The following KCTD8 variants were observed in gnomAD, a reference collection of about 807,000 sequenced individuals.
KCTD8 encodes potassium channel tetramerization domain containing 8, also known as BTB/POZ domain-containing protein KCTD8.
In KCTD8, 27 loss-of-function variants were observed where a neutral mutation model predicts 31.5. The ratio of observed to expected loss-of-function variants is 0.86; its 90% CI spans 0.63 to 1.18. KCTD8 has a LOEUF of 1.18. KCTD8 is among the 50% of genes most tolerant of loss of function. The pLI is 0.00. For synonymous variants in KCTD8, 290 were observed against 280.0 expected, an observed-to-expected ratio of 1.04 and a Z score of -0.36; for missense variants, 658 against 647.7, an observed-to-expected ratio of 1.02 and a Z score of -0.17.
chr4:44,193,453 T>C (rs1207908586), intron 1 of KCTD8, among the ~76,000 whole-genome samples: 2 of 152,178 alleles, frequency 1.3e-5, no homozygotes, highest in Non-Finnish European at 2.9e-5. Context: ...GAAAATGGTG[T>C]TAAAACCAGC....
chr4:44,181,660 G>A (rs913184097), intron 1 of KCTD8, among the ~76,000 whole-genome samples: 4 of 152,178 alleles, frequency 2.6e-5, no homozygotes, highest in East Asian at 1.9e-4. Context: ...CCTCTGCCCC[G>A]GCCGCCACCC....
chr4:44,214,307 T>G (rs1366577968), intron 1 of KCTD8, among the ~76,000 whole-genome samples: 2 of 152,186 alleles, frequency 1.3e-5, no homozygotes, highest in African/African-American at 4.8e-5. Flanking sequence ...TATTTGTTTC[T>G]CCCCTACACA....
chr4:44,274,466 T>A (rs991380989), intron 1 of KCTD8, among the ~76,000 whole-genome samples: 1 of 151,934 alleles, frequency 6.6e-6, no homozygotes, highest in Admixed American at 6.6e-5. Context: ...ACTGATAAAG[T>A]CTGAAGCTCT....
intron 1 of KCTD8, among the ~76,000 whole-genome samples, chr4:44,226,635 G>T (rs961389204): frequency 6.6e-6 from 1 of 152,252 alleles, no homozygotes; most frequent in South Asian, 2.1e-4. Flanking sequence ...CACAATGGTT[G>T]AACTAATCTA....
chr4:44,197,712 G>C (rs1017641327), intron 1 of KCTD8, among the ~76,000 whole-genome samples: 1 of 152,106 alleles, frequency 6.6e-6, no homozygotes, highest in African/African-American at 2.4e-5. Flanking sequence ...CCTCTCAGAT[G>C]GGAAAAAATC....
chr4:44,220,578 C>T (rs7665415), intron 1 of KCTD8, among the ~76,000 whole-genome samples: 79 of 152,174 alleles, frequency 5.2e-4, no homozygotes, highest in African/African-American at 1.8e-3. Flanking sequence ...TGATTTTGAC[C>T]TCTCTGTATT....
chr4:44,348,782 G>A (rs1370401085), intron 1 of KCTD8, among the ~76,000 whole-genome samples: 1 of 151,942 alleles, frequency 6.6e-6, no homozygotes, highest in Non-Finnish European at 1.5e-5. Flanking sequence ...CACAAAAACC[G>A]GTTATATGAC....
At position 44,382,214 on chromosome 4, in the gene KCTD8, C is replaced by G. The variant is rs544030060; in HGVS notation, c.961+65349G>C. Reference sequence around the variant, plus strand: ...CAATAAACATCAGATTTGAACTGCACTACAGACATGGCATCAACAAGATGA... The same window carrying G: ...CAATAAACATCAGATTTGAACTGCAGTACAGACATGGCATCAACAAGATGA... On this transcript the variant is annotated intron_variant, in intron 1 of 1. Transcript: ENST00000360029. Among the ~76,000 whole-genome samples, 4 of 152,060 alleles carry G rather than the reference C, an allele frequency of 2.6e-5. No homozygotes were observed. In the South Asian group the frequency reaches 8.3e-4, roughly 32 times the overall value.
chr4:44,197,460 T>A (rs572119081), intron 1 of KCTD8, among the ~76,000 whole-genome samples: 92 of 152,194 alleles, frequency 6.0e-4, no homozygotes, highest in African/African-American at 2.1e-3. Flanking sequence ...CCACCGAGTA[T>A]GTCTATGAAC....
At chr4:44,258,418 G>A (rs1296493732) in intron 1 of KCTD8, among the ~76,000 whole-genome samples, 1 of 151,862 alleles carries the variant, frequency 6.6e-6, no homozygotes, top group Non-Finnish European at 1.5e-5. Context: ...AAAATAGAGT[G>A]CTAGAAAAGA....
chr4:44,187,487 C>T (rs1713623195), intron 1 of KCTD8, among the ~76,000 whole-genome samples: 1 of 152,238 alleles, frequency 6.6e-6, no homozygotes, highest in Non-Finnish European at 1.5e-5. Flanking sequence ...GAACTACTCC[C>T]TGCTCCTTCC....
At chr4:44,356,194 CT>C in intron 1 of KCTD8, among the ~76,000 whole-genome samples, 1 of 152,216 alleles carries the variant, frequency 6.6e-6, no homozygotes, top group African/African-American at 2.4e-5. Context: ...CATCAAATGT[CT>C]TTTTTACTGC....
intron 1 of KCTD8, among the ~76,000 whole-genome samples, chr4:44,328,108 A>C (rs960645897): frequency 2.0e-5 from 3 of 151,960 alleles, no homozygotes; most frequent in African/African-American, 7.3e-5. Context: ...GATCCAAATA[A>C]AAACACATAA....
At chr4:44,381,272 C>T (rs369612613) in intron 1 of KCTD8, among the ~76,000 whole-genome samples, 1 of 151,916 alleles carries the variant, frequency 6.6e-6, no homozygotes, top group Non-Finnish European at 1.5e-5. Flanking sequence ...CTCCAATTTA[C>T]AAAACCTCCT....
intron 1 of KCTD8, among the ~76,000 whole-genome samples, chr4:44,392,533 G>C (rs1467938782): frequency 6.6e-6 from 1 of 151,884 alleles, no homozygotes; most frequent in Non-Finnish European, 1.5e-5. Context: ...TGAAGACTTT[G>C]AATTTATCCA....
chr4:44,283,751 C>T lies in KCTD8; in HGVS notation c.962-108501G>A, dbSNP rs187462266. On this transcript the variant is annotated intron_variant, in intron 1 of 1. Transcript: ENST00000360029. ...CTCCATCGTCTCAGCCCAAAATCTC[C>T]TTAAGCTGATAAGCAAATTCAGCAA... is the stretch of plus-strand genomic sequence containing the variant. 3.9e-5 allele frequency among the ~76,000 whole-genome samples: 6 copies of T among 152,236 alleles called. No individual in the cohort carries two copies. In the East Asian group the frequency reaches 1.2e-3, roughly 29 times the overall value.
At chr4:44,175,979 A>T (rs1713201780) in intron 1 of KCTD8, among the ~76,000 whole-genome samples, 1 of 152,184 alleles carries the variant, frequency 6.6e-6, no homozygotes, top group African/African-American at 2.4e-5. Context: ...TCAGAAAGTG[A>T]TAGTTTACCA....
chr4:44,308,948 T>C (rs1717878472), intron 1 of KCTD8, among the ~76,000 whole-genome samples: 2 of 152,208 alleles, frequency 1.3e-5, no homozygotes, highest in African/African-American at 4.8e-5. Context: ...CTAGAGAACA[T>C]AGTGTATTGA....
At chr4:44,206,923 TAG>T (rs1415518210) in intron 1 of KCTD8, among the ~76,000 whole-genome samples, 3 of 152,218 alleles carry the variant, frequency 2.0e-5, no homozygotes, top group African/African-American at 7.2e-5. Context: ...TTGTAAAAGT[TAG>T]AAAATAAAAA....
Sources: gnomAD v4.1 joint callset for allele counts (sites outside exome capture counted in the v4.1 genomes callset) on GRCh38, gnomAD v4.1.1 for gene constraint, MANE v1.5 for transcripts, NCBI Gene and HGNC (gene_info 2026-07-23, HGNC 2026-07-21) for gene names.